The following NWD1 variants were observed in gnomAD, a reference collection of about 807,000 sequenced individuals.
NWD1 encodes the protein NACHT and WD repeat domain containing 1.
NWD1 carries 129 observed loss-of-function variants against 135.1 expected under a neutral mutation model. The ratio of observed to expected loss-of-function variants is 0.96; its 90% CI spans 0.83 to 1.11. The LOEUF (loss-of-function observed/expected upper bound fraction) is 1.11, where lower values mean the gene tolerates loss of function less well. Ranked by LOEUF, NWD1 falls within the 50% of genes least tolerant of loss-of-function variation. The pLI, the probability that NWD1 is intolerant of heterozygous loss-of-function variation, is 0.00. For missense variants in NWD1, 1,740 were observed against 1,851.3 expected, an observed-to-expected ratio of 0.94 and a Z score of 1.10; for synonymous variants, 773 against 786.0, an observed-to-expected ratio of 0.98 and a Z score of 0.28.
At chr19:16,728,748 T>C (rs1000969558) in intron 2 of NWD1, among the ~76,000 whole-genome samples, 3 of 144,920 alleles carry the variant, frequency 2.1e-5, no homozygotes, top group African/African-American at 7.7e-5. Flanking sequence ...ATTGAGACCA[T>C]CCTGGCTAAC....
chr19:16,750,057 C>A lies in NWD1; in HGVS notation c.1415C>A (p.Ala472Glu). The change falls in exon 6 of 19, where the codon GCA (alanine) becomes GAA (glutamate). Residue 472 changes from alanine to glutamate, a missense_variant. By Grantham distance (107) the Ala-to-Glu change is moderately radical. Coordinates refer to ENST00000524140, the MANE Select transcript of NWD1 (RefSeq NM_001007525.5). ...CTCATCCTCTCAGCTTGCTCGGGGGCACTGGGGGTTTTGGACACCTTGCAG... is the reference window on the plus strand; with the variant it reads ...CTCATCCTCTCAGCTTGCTCGGGGGAACTGGGGGTTTTGGACACCTTGCAG... ...VHLILSACSG[A>E]LGVLDTLQRV... The A allele has an allele frequency of 6.2e-7, 1 of 1,613,950 alleles. No individual in the cohort carries two copies. Among genetic ancestry groups the A allele is most frequent in the Non-Finnish European group, 8.5e-7 (1 of 1,179,964 alleles).
rs558956115 is a variant in NWD1 at position 16,788,946 on chromosome 19, A to G, written c.2732-36A>G. 172 of 1,512,608 alleles carry G rather than the reference A, an allele frequency of 1.1e-4. 2 individuals carry two copies. The South Asian group carries it at 1.8e-3, about 16-fold the overall frequency. The allele number at this position is 1,512,608 out of a possible 1,614,324, so 93.7% of individuals were successfully genotyped here. ...ATAGTTGCAAGGCCAAAATGTTCCCAGCTAATATACTCTCCCCTACCCTGG... is the reference window on the plus strand; with the variant it reads ...ATAGTTGCAAGGCCAAAATGTTCCCGGCTAATATACTCTCCCCTACCCTGG... On this transcript the variant is annotated intron_variant, in intron 12 of 18. Transcript: ENST00000524140.
Position 16,759,359 on chromosome 19 carries a change from G to C in NWD1, c.1904G>C (p.Arg635Pro). Residue 635 changes from arginine to proline, a missense_variant, in exon 7 of 19, where the codon CGT becomes CCT. Transcript: ENST00000524140. ...RFPPLLWVRL[R>P]RDLGYYLARR... is the part of the protein sequence containing the mutation. ...CCGCCCCTGCTGTGGGTGCGGCTTC[G>C]TCGGGATCTGGGATACTACTTGGCC... is the stretch of plus-strand genomic sequence containing the variant. 6.2e-7 allele frequency: 1 copy of C among 1,612,368 alleles called. No individual in the cohort carries two copies. The highest frequency in any genetic ancestry group is 2.2e-5 in the East Asian group (1 of 44,820).
At chr19:16,765,322 T>C (rs1969184191) in intron 10 of NWD1, 130 bp downstream of exon 10, 2 of 963,412 alleles carry the variant, frequency 2.1e-6, no homozygotes, top group Non-Finnish European at 3.0e-6. Flanking sequence ...ATGTGAATTT[T>C]CCCCCAGCAG....
intron 6 of NWD1, among the ~76,000 whole-genome samples, chr19:16,757,747 T>C (rs889953850): frequency 2.6e-5 from 4 of 152,170 alleles, no homozygotes; most frequent in Non-Finnish European, 4.4e-5. Flanking sequence ...AGGCTCTGTC[T>C]GATACCATAT....
chr19:16,753,741 CAG>C (rs1191709800), intron 6 of NWD1, among the ~76,000 whole-genome samples: 1 of 152,104 alleles, frequency 6.6e-6, no homozygotes, highest in East Asian at 1.9e-4. Context: ...GTTGATAGTG[CAG>C]AGAGTAAGAA....
intron 4 of NWD1, among the ~76,000 whole-genome samples, chr19:16,737,027 C>A (rs1967849223): frequency 6.6e-6 from 1 of 152,048 alleles, no homozygotes; most frequent in Non-Finnish European, 1.5e-5. Context: ...TGGACTTTCT[C>A]CCACCTTCCC....
Position 16,749,691 on chromosome 19 carries a change from T to G in NWD1, c.1049T>G (p.Leu350Arg). The change falls in exon 6 of 19, where the codon CTG (leucine) becomes CGG (arginine). Residue 350 changes from leucine to arginine, a missense_variant. Transcript: ENST00000524140. The stretch of plus-strand genomic sequence containing the variant: ...CCCCCAGGCATTGGAAAGACAGCCC[T>G]GATGTGCAAGCTGGCTGAGCAGATG... The part of the protein sequence containing the change: ...FGPPGIGKTA[L>R]MCKLAEQMPR... 6.2e-7 allele frequency: 1 copy of G among 1,602,126 alleles called. No homozygotes were observed.
At position 16,749,582 on chromosome 19, in the gene NWD1, G is replaced by A. The variant is rs779448254; in HGVS notation, c.940G>A (p.Gly314Arg). 10 of 1,612,958 alleles carry A rather than the reference G, an allele frequency of 6.2e-6. No individual in the cohort carries two copies. The highest frequency in any genetic ancestry group is 5.9e-6 in the Non-Finnish European group (7 of 1,179,262). The change falls in exon 6 of 19, where the codon GGA becomes AGA. Residue 314 changes from glycine (G) to arginine (R), a missense_variant. Coordinates refer to ENST00000524140, the MANE Select transcript of NWD1 (RefSeq NM_001007525.5). ...CTCGGAGGTCATTCAGACCTTCTGC[G>A]GACGCCAGGAACTCCTGGCCCGGCT... The part of the protein sequence containing the change: ...QSSEVIQTFC[G>R]RQELLARLGQ...
At chr19:16,786,571 G>C (rs1347335457) in intron 12 of NWD1, among the ~76,000 whole-genome samples, 2 of 150,544 alleles carry the variant, frequency 1.3e-5, no homozygotes, top group Non-Finnish European at 2.9e-5. Flanking sequence ...TTTTGAGACA[G>C]AGTCTCACTC....
chr19:16,739,190 GAA>G (rs34576758), intron 4 of NWD1, among the ~76,000 whole-genome samples: 1 of 144,354 alleles, frequency 6.9e-6, no homozygotes. Flanking sequence ...GAGTTTCCAA[GAA>G]AAAAAAAAAG....
intron 12 of NWD1, among the ~76,000 whole-genome samples, chr19:16,783,694 A>T (rs1969941718): frequency 6.7e-6 from 1 of 150,214 alleles, no homozygotes; most frequent in African/African-American, 2.4e-5. Flanking sequence ...ATAAAATAAA[A>T]AATAAATAAA....
chr19:16,778,093 C>T (rs1027183239), intron 11 of NWD1, among the ~76,000 whole-genome samples: 2 of 151,952 alleles, frequency 1.3e-5, no homozygotes, highest in African/African-American at 2.4e-5. Flanking sequence ...CTCTCTGTCC[C>T]GATGAGGTGG....
At position 16,739,355 on chromosome 19, in the gene NWD1, A is replaced by AAAAT. The variant is rs1491391537; in HGVS notation, c.198+2605_198+2606insAAAT. 6.9e-4 allele frequency among the ~76,000 whole-genome samples: 90 copies of AAAAT among 130,522 alleles called. 1 individual carries two copies. The highest frequency in any genetic ancestry group is 1.5e-3 in the Admixed American group (19 of 12,884). The allele number at this position is 130,522 out of a possible 152,430, so 85.6% of individuals were successfully genotyped here. ...AAAAAAAAAAAAAAAAAAAAAAAAA[A>AAAAT]TTATTTTTTTAAGGAAGAAAGGGAA... On this transcript the variant is annotated intron_variant, in intron 4 of 18. Transcript: ENST00000524140.
rs1970910077 is a variant in NWD1 at position 16,811,040 on chromosome 19, A to AT, written c.4287+2910dup. Reference sequence around the variant, plus strand: ...GCCACTGCACCTGGCTAATTTTTTAATTTTTTGTAGAGACAGGGTTTCACC... The same window carrying AT: ...GCCACTGCACCTGGCTAATTTTTTAATTTTTTTGTAGAGACAGGGTTTCACC... On this transcript the variant is annotated intron_variant, in intron 18 of 18. Transcript: ENST00000524140. 7.2e-5 allele frequency among the ~76,000 whole-genome samples: 11 copies of AT among 152,016 alleles called. 1 individual carries two copies. The South Asian group carries it at 2.3e-3, about 32-fold the overall frequency.
intron 14 of NWD1, among the ~76,000 whole-genome samples, chr19:16,793,583 GTT>G (rs35605941): frequency 3.5e-5 from 5 of 142,644 alleles, no homozygotes; most frequent in African/African-American, 7.8e-5. Flanking sequence ...GTTTTTGGTT[GTT>G]TTTTTTTTTG....
chr19:16,801,983 C>T (rs186236102), intron 17 of NWD1, among the ~76,000 whole-genome samples: 61 of 151,666 alleles, frequency 4.0e-4, no homozygotes, highest in Middle Eastern at 3.4e-3. Flanking sequence ...TGGACCTTGT[C>T]GCAATAAAAA....
Position 16,757,148 on chromosome 19 carries a change from A to C in NWD1, c.1770-2077A>C, listed in dbSNP as rs143588989. On this transcript the variant is annotated intron_variant, in intron 6 of 18. Coordinates refer to ENST00000524140, the MANE Select transcript of NWD1 (RefSeq NM_001007525.5). Reference sequence around the variant, plus strand: ...CAAGTGTGATGCACTTGATCATCCCAAAACCATCACCCCTACCCTGGTCCG... The same window carrying C: ...CAAGTGTGATGCACTTGATCATCCCCAAACCATCACCCCTACCCTGGTCCG... Among the ~76,000 whole-genome samples, 96 of 152,276 alleles carry C rather than the reference A, an allele frequency of 6.3e-4. 1 individual carries two copies. Among genetic ancestry groups the C allele is most frequent in the Admixed American group, 2.2e-3 (34 of 15,268 alleles).
At chr19:16,804,985 A>T (rs867312511) in intron 17 of NWD1, among the ~76,000 whole-genome samples, 1 of 149,086 alleles carries the variant, frequency 6.7e-6, no homozygotes, top group Non-Finnish European at 1.5e-5. Flanking sequence ...ACCATGCCTG[A>T]CTCCTGGAGA....
Sources: gnomAD v4.1 joint callset for allele counts (sites outside exome capture counted in the v4.1 genomes callset) on GRCh38, gnomAD v4.1.1 for gene constraint, MANE v1.5 for transcripts, NCBI Gene and HGNC (gene_info 2026-07-23, HGNC 2026-07-21) for gene names.